Variants in GABBR1 observed in about 807,000 individuals in gnomAD.
GABBR1 encodes GABA-B receptor, R1 subunit.
Under a neutral mutation model 117.7 loss-of-function variants are expected in GABBR1, and 35 were observed. The ratio of observed to expected loss-of-function variants is 0.30; its 90% CI spans 0.23 to 0.39. GABBR1 has a LOEUF of 0.39. Ranked by LOEUF, GABBR1 falls within the 10% of genes least tolerant of loss-of-function variation. The pLI is 1.00. For missense variants in GABBR1, 709 were observed against 1,241.8 expected, an observed-to-expected ratio of 0.57 and a Z score of 6.45; for synonymous variants, 442 against 486.6, an observed-to-expected ratio of 0.91 and a Z score of 1.21.
rs1263227631 is a variant in GABBR1, at chr6:29,609,252, A to G, written c.1836T>C (p.Phe612=). The G allele has an allele frequency of 1.2e-6, 2 of 1,613,050 alleles. No individual in the cohort carries two copies. The highest frequency in any genetic ancestry group is 2.2e-5 in the East Asian group (1 of 44,886). The change falls in exon 15 of 23, where the codon TTT becomes TTC. Residue 612 remains phenylalanine, a synonymous_variant. Transcript: ENST00000377034. This position sits in a 1 kb window ranked among gnomAD's most constrained non-coding sequence, Gnocchi z 4.3. The part of the protein sequence containing the change: ...GIVLAVVCLS[F]NIYNSHVRYI... ...ACCGGACATGTGAGTTGTAGATGTT[A>G]AAGGACAGACAGACAACAGCTAGGA...
Position 29,612,564 on chromosome 6 carries a change from G to A in GABBR1, c.1617C>T (p.Ile539=), listed in dbSNP as rs747564765. The part of the protein sequence containing the change: ...ASGSRMAWTL[I]EQLQGGSYKK... ...CCCTGTACTAACCCTGAAGCTGCTC[G>A]ATAAGCGTCCATGCCATCCGAGAGC... Residue 539 remains isoleucine, a synonymous_variant, in exon 13 of 23, where the codon ATC becomes ATT. Coordinates refer to ENST00000377034, the MANE Select transcript of GABBR1 (RefSeq NM_001470.4). 7.8e-5 allele frequency: 126 copies of A among 1,613,828 alleles called. No individual in the cohort carries two copies. Among genetic ancestry groups the A allele is most frequent in the Admixed American group, 2.2e-4 (13 of 59,992 alleles).
intron 14 of GABBR1, 89 bp downstream of exon 14, chr6:29,610,833 GTC>G (rs772886250): frequency 3.5e-4 from 387 of 1,117,896 alleles, no homozygotes; most frequent in Admixed American, 1.1e-3. Context: ...CAACCTAACA[GTC>G]TCTACCATTC....
Position 29,627,517 on chromosome 6 carries a change from T to C in GABBR1, c.626A>G (p.Tyr209Cys). ...GTCGTGGTGGATGAGCTTGAGCTCA[T>C]AGTCCGGCAGGATGTCCCTGCGGCT... ...VNSRRDILPD[Y>C]ELKLIHHDSK... is the part of the protein sequence containing the mutation. Residue 209 changes from tyrosine to cysteine, a missense_variant, in exon 6 of 23, where the codon TAT becomes TGT. Transcript: ENST00000377034. This position sits in a 1 kb window ranked among gnomAD's most constrained non-coding sequence, Gnocchi z 4.4. 7.4e-7 allele frequency: 1 copy of C among 1,357,738 alleles called. No homozygotes were observed. Among genetic ancestry groups the C allele is most frequent in the Non-Finnish European group, 9.8e-7 (1 of 1,019,794 alleles). 84.1% of individuals were successfully genotyped at this position (1,357,738 alleles called of 1,614,324 possible). A position where few individuals can be genotyped will look rare whatever the true frequency, so the allele number is the denominator to read the frequency against.
At chr6:29,608,463 G>A in intron 16 of GABBR1, 138 bp downstream of exon 16, 1 of 846,146 alleles carries the variant, frequency 1.2e-6, no homozygotes, top group Non-Finnish European at 1.9e-6. Context: ...ACAGAGGGGT[G>A]ATGCTAGAAG....
chr6:29,624,570 G>A (rs1764082001), intron 6 of GABBR1, among the ~76,000 whole-genome samples: 1 of 152,088 alleles, frequency 6.6e-6, no homozygotes, highest in South Asian at 2.1e-4. Flanking sequence ...GACCAGTAGG[G>A]GGTCCCGCTC....
Position 29,621,869 on chromosome 6 carries a change from G to T in GABBR1, c.1066-52C>A, listed in dbSNP as rs1763787361. 1.9e-6 allele frequency: 3 copies of T among 1,571,694 alleles called. No individual in the cohort carries two copies. Among genetic ancestry groups the T allele is most frequent in the East Asian group, 4.5e-5 (2 of 44,644 alleles). On this transcript the variant is annotated intron_variant, in intron 9 of 22. Transcript: ENST00000377034. The surrounding 1 kb of genome is among the most constrained non-coding windows in gnomAD (Gnocchi z 5.0). ...GAGGGATGCCCGGGAATGCCTGAGG[G>T]GCTAAGCCAGATGTCTTCACAGCTT...
rs1402021041 is a variant in GABBR1 at position 29,630,205 on chromosome 6, T to A, written c.475+253A>T. 9.2e-6 allele frequency: 4 copies of A among 436,784 alleles called. No individual in the cohort carries two copies. Among genetic ancestry groups the A allele is most frequent in the Non-Finnish European group, 1.6e-5 (4 of 245,528 alleles). The allele number at this position is 436,784 out of a possible 1,614,324, so 27.1% of individuals were successfully genotyped here. ...ATAAAGGAAAAGAGAAAACGTGAGGTCTAAGAATCGGGAGCAGGAAGATTT... is the reference window on the plus strand; with the variant it reads ...ATAAAGGAAAAGAGAAAACGTGAGGACTAAGAATCGGGAGCAGGAAGATTT... On this transcript the variant is annotated intron_variant, in intron 4 of 22. Coordinates refer to ENST00000377034, the MANE Select transcript of GABBR1 (RefSeq NM_001470.4). This position sits in a 1 kb window ranked among gnomAD's most constrained non-coding sequence, Gnocchi z 4.9.
In GABBR1 at chr6:29,606,380, A is replaced by G; in HGVS notation, c.2311+11T>C. 1 of 1,605,098 alleles carries G rather than the reference A, an allele frequency of 6.2e-7. No homozygotes were observed. The highest frequency in any genetic ancestry group is 8.5e-7 in the Non-Finnish European group (1 of 1,172,810). On this transcript the variant is annotated intron_variant, in intron 19 of 22. Transcript: ENST00000377034. This position sits in a 1 kb window ranked among gnomAD's most constrained non-coding sequence, Gnocchi z 4.5. The stretch of plus-strand genomic sequence containing the variant: ...TGCATCCCTGCCCTCCTTTGCCCAC[A>G]TCCCACACACCAAGCCATGTATTCA...
rs1764000479 is a variant in GABBR1, at chr6:29,623,818, A to G, written c.792+72T>C. The G allele has an allele frequency of 2.6e-6, 4 of 1,524,518 alleles. No individual in the cohort carries two copies. The highest frequency in any genetic ancestry group is 3.6e-6 in the Non-Finnish European group (4 of 1,123,450). The allele number at this position is 1,524,518 out of a possible 1,614,324, so 94.4% of individuals were successfully genotyped here. A position where few individuals can be genotyped will look rare whatever the true frequency, so the allele number is the denominator to read the frequency against. On this transcript the variant is annotated intron_variant, in intron 7 of 22. Transcript: ENST00000377034. The surrounding 1 kb of genome is among the most constrained non-coding windows in gnomAD (Gnocchi z 6.2). ...ACACTCCTTTTCAATACAAACCCAC[A>G]ATCGCCATCGTCCCTTCAGTAGAGC...
In GABBR1 at chr6:29,607,687, C is replaced by T. The variant is rs1404845844; in HGVS notation, c.1993-469G>A. Among the ~76,000 whole-genome samples, 1 of 152,308 alleles carries T rather than the reference C, an allele frequency of 6.6e-6. No individual in the cohort carries two copies. The highest frequency in any genetic ancestry group is 1.9e-4 in the East Asian group (1 of 5,184). On this transcript the variant is annotated intron_variant, in intron 16 of 22. Coordinates refer to ENST00000377034, the MANE Select transcript of GABBR1 (RefSeq NM_001470.4). The surrounding 1 kb of genome is among the most constrained non-coding windows in gnomAD (Gnocchi z 5.0). ...TGTATTTTCTAGCCACACGATGCTC[C>T]CTATGCCCCTGAAGTAGCCTTCCTC...
At position 29,604,099 on chromosome 6, in the gene GABBR1, G is replaced by A. The variant is rs953291616; in HGVS notation, c.2713-383C>T. 2.0e-5 allele frequency among the ~76,000 whole-genome samples: 3 copies of A among 152,016 alleles called. No individual in the cohort carries two copies. The highest frequency in any genetic ancestry group is 2.1e-4 in the South Asian group (1 of 4,820). The stretch of plus-strand genomic sequence containing the variant: ...AATGACAGCCTGGGGCACAGTGAAC[G>A]CCTGCCCAGGTCCTTTATGCTGGGG... On this transcript the variant is annotated intron_variant, in intron 22 of 22. Transcript: ENST00000377034. The surrounding 1 kb of genome is among the most constrained non-coding windows in gnomAD (Gnocchi z 5.3).
At chr6:29,629,245 T>C (rs1401051087) in intron 4 of GABBR1, 138 bp from the exon 5 acceptor site, 13 of 938,920 alleles carry the variant, frequency 1.4e-5, no homozygotes, top group Non-Finnish European at 1.9e-5. Flanking sequence ...GAGGGGAGGG[T>C]GCCTGGGGAT....
rs543633411 is a variant in GABBR1 at position 29,604,657 on chromosome 6, C to T, written c.2569-20G>A. ...GCGCATCTGGGGGCAAATGTTTGGG[C>T]GTGGGGTGGCCCAGCAAGGACTGTA... is the stretch of plus-strand genomic sequence containing the variant. On this transcript the variant is annotated intron_variant, in intron 21 of 22. Transcript: ENST00000377034. This position sits in a 1 kb window ranked among gnomAD's most constrained non-coding sequence, Gnocchi z 5.3. The T allele has an allele frequency of 3.7e-6, 6 of 1,612,910 alleles. No homozygotes were observed. The highest frequency in any genetic ancestry group is 1.1e-5 in the South Asian group (1 of 91,076).
At position 29,606,936 on chromosome 6, in the gene GABBR1, G is replaced by A. The variant is rs753146179; in HGVS notation, c.2178C>T (p.Ala726=). 6.2e-7 allele frequency: 1 copy of A among 1,614,128 alleles called. No individual in the cohort carries two copies. Among genetic ancestry groups the A allele is most frequent in the East Asian group, 2.2e-5 (1 of 44,886 alleles). The stretch of plus-strand genomic sequence containing the variant: ...GCAGAGGGTCCACGATCTGCCAGAT[G>A]GCGAGAGTGAGGACATCCATGCCCA... ...LLVGMDVLTL[A]IWQIVDPLHR... The change falls in exon 18 of 23, where the codon GCC becomes GCT. Residue 726 remains alanine, a synonymous_variant. Transcript: ENST00000377034. The surrounding 1 kb of genome is among the most constrained non-coding windows in gnomAD (Gnocchi z 4.5).
At chr6:29,614,981 C>CCAAA (rs1762922850) in intron 11 of GABBR1, among the ~76,000 whole-genome samples, 1 of 81,174 alleles carries the variant, frequency 1.2e-5, no homozygotes, top group Non-Finnish European at 2.2e-5. Context: ...TAAAACTGCT[C>CCAAA]AAAAAAAAAA....
chr6:29,604,482 C>T lies in GABBR1; in HGVS notation c.2712+12G>A. On this transcript the variant is annotated intron_variant, in intron 22 of 22. Transcript: ENST00000377034. The surrounding 1 kb of genome is among the most constrained non-coding windows in gnomAD (Gnocchi z 5.3). ...CCACTCCAACACCCTACCCTGACAC[C>T]CACCCCCGCACCTCAGCAATGATCT... is the stretch of plus-strand genomic sequence containing the variant. The T allele has an allele frequency of 6.2e-7, 1 of 1,613,274 alleles. No individual in the cohort carries two copies. The highest frequency in any genetic ancestry group is 8.5e-7 in the Non-Finnish European group (1 of 1,179,998).
Position 29,627,860 on chromosome 6 carries a change from G to T in GABBR1, c.497-214C>A. Reference sequence around the variant, plus strand: ...AGGGGGGACACTTTTCCTGGGGAGGGCTGCTAAGAGGGTGCCGGGGAGGCG... The same window carrying T: ...AGGGGGGACACTTTTCCTGGGGAGGTCTGCTAAGAGGGTGCCGGGGAGGCG... On this transcript the variant is annotated intron_variant, in intron 5 of 22. Coordinates refer to ENST00000377034, the MANE Select transcript of GABBR1 (RefSeq NM_001470.4). The surrounding 1 kb of genome is among the most constrained non-coding windows in gnomAD (Gnocchi z 4.4). 2 of 1,387,494 alleles carry T rather than the reference G, an allele frequency of 1.4e-6. No homozygotes were observed. The highest frequency in any genetic ancestry group is 1.9e-6 in the Non-Finnish European group (2 of 1,077,392). 85.9% of individuals were successfully genotyped at this position (1,387,494 alleles called of 1,614,324 possible).
In GABBR1 at chr6:29,627,900, T is replaced by A. The variant is rs1361201886; in HGVS notation, c.497-254A>T. On this transcript the variant is annotated intron_variant, in intron 5 of 22. Transcript: ENST00000377034. This position sits in a 1 kb window ranked among gnomAD's most constrained non-coding sequence, Gnocchi z 4.4. ...CCGGGGAGGCGCCTCCATCCCTGAT[T>A]TTGTGGGGAGGAGGGGGCGAGGGCC... 3 of 1,355,222 alleles carry A rather than the reference T, an allele frequency of 2.2e-6. No homozygotes were observed. Among genetic ancestry groups the A allele is most frequent in the Non-Finnish European group, 2.8e-6 (3 of 1,062,428 alleles). 83.9% of individuals were successfully genotyped at this position (1,355,222 alleles called of 1,614,324 possible). A position where few individuals can be genotyped will look rare whatever the true frequency, so the allele number is the denominator to read the frequency against.
Position 29,603,525 on chromosome 6 carries a change from T to A in GABBR1, c.*18A>T. ...CCCTTTCCCTCCCCCTACTGGCCTG[T>A]CCTCCCTCACCCTACCCTCACTTAT... On this transcript the variant is annotated 3_prime_UTR_variant, in exon 23 of 23. Transcript: ENST00000377034. 6.5e-7 allele frequency: 1 copy of A among 1,546,262 alleles called. No homozygotes were observed. The highest frequency in any genetic ancestry group is 8.7e-7 in the Non-Finnish European group (1 of 1,144,996).
Sources: allele counts gnomAD v4.1 joint callset (sites outside exome capture counted in the v4.1 genomes callset), GRCh38; gene constraint gnomAD v4.1.1; non-coding constraint Gnocchi (gnomAD v3.1); transcripts MANE v1.5; gene names NCBI Gene and HGNC (gene_info 2026-07-23, HGNC 2026-07-21).